Variants in RBL2 observed in about 807,000 individuals in gnomAD.
RBL2 encodes RB transcriptional corepressor like 2, also known as retinoblastoma-like protein 2.
A neutral mutation model predicts 126.0 loss-of-function variants in RBL2; 56 were observed. The ratio of observed to expected loss-of-function variants is 0.44; its 90% CI spans 0.36 to 0.56. The LOEUF is 0.56. Among genes scored for constraint, RBL2 ranks in the 20% least tolerant of loss-of-function variants. RBL2 has a pLI of 0.00. For missense variants in RBL2, 1,229 were observed against 1,398.2 expected (o/e 0.88, Z 1.93); for synonymous variants, 454 against 478.5 (o/e 0.95, Z 0.67).
chr16:53,439,207 A>G, intron 2 of RBL2, 61 bp downstream of exon 2: 1 of 1,365,982 alleles, frequency 7.3e-7, no homozygotes. Context: ...AATCATAGTG[A>G]TAGTAAGAAT....
At chr16:53,483,369 C>G (rs1309895559) in intron 21 of RBL2, among the ~76,000 whole-genome samples, 1 of 152,056 alleles carries the variant, frequency 6.6e-6, no homozygotes, top group Non-Finnish European at 1.5e-5. Context: ...GAGAACGGCT[C>G]AGGCAACATA....
intron 4 of RBL2, among the ~76,000 whole-genome samples, chr16:53,448,437 G>C (rs759772898): frequency 6.6e-6 from 1 of 151,920 alleles, no homozygotes; most frequent in East Asian, 1.9e-4. Flanking sequence ...GCTTACAGGC[G>C]TGAGCCATCG....
At chr16:53,451,585 T>C (rs2153140872) in intron 4 of RBL2, 118 bp from the exon 5 acceptor site, 1 of 1,119,846 alleles carries the variant, frequency 8.9e-7, no homozygotes, top group East Asian at 2.4e-5. Flanking sequence ...ACACTTATTG[T>C]AATGAGTCAA....
At chr16:53,469,776 G>GAC in intron 14 of RBL2, 140 bp from the exon 15 acceptor site, 4 of 1,040,242 alleles carry the variant, frequency 3.8e-6, no homozygotes, top group Middle Eastern at 2.2e-4. Flanking sequence ...GGTAAGATAT[G>GAC]ACTTCTGTAA....
chr16:53,456,253 G>A (rs1217767946), intron 8 of RBL2, among the ~76,000 whole-genome samples: 3 of 152,142 alleles, frequency 2.0e-5, no homozygotes. Flanking sequence ...TGTAGGCTTT[G>A]GAAGCCATCG....
intron 8 of RBL2, among the ~76,000 whole-genome samples, chr16:53,456,905 CT>C (rs1032483009): frequency 6.6e-6 from 1 of 152,124 alleles, no homozygotes; most frequent in Non-Finnish European, 1.5e-5. Flanking sequence ...GTATTTATCA[CT>C]GTCTGACAGT....
chr16:53,437,681 C>G (rs1336482784), intron 1 of RBL2, among the ~76,000 whole-genome samples: 2 of 152,086 alleles, frequency 1.3e-5, no homozygotes, highest in Non-Finnish European at 2.9e-5. Flanking sequence ...AATATCCATT[C>G]AAGCTTAATT....
At chr16:53,454,119 A>G (rs1056668311) in intron 7 of RBL2, 29 of 403,656 alleles carry the variant, frequency 7.2e-5, no homozygotes, top group Non-Finnish European at 1.3e-4. Flanking sequence ...ACCTACCAGC[A>G]GCTGAAACAC....
chr16:53,474,337 A>G (rs931888132), intron 17 of RBL2, among the ~76,000 whole-genome samples: 2 of 147,734 alleles, frequency 1.4e-5, no homozygotes, highest in South Asian at 2.1e-4. Context: ...TTATTTTGAG[A>G]TGGAATTTCG....
In RBL2 at chr16:53,470,101, C is replaced by T; in HGVS notation, c.2161C>T (p.Pro721Ser). ...NVSGETVSVTPVPGQTLVTMA... is the reference protein window; with the variant it reads ...NVSGETVSVTSVPGQTLVTMA... ...ATCTGGGGAGACTGTTTCTGTCACA[C>T]CAGTTCCTGGACAGACTTTGGTCAC... is the stretch of plus-strand genomic sequence containing the variant. The change falls in exon 15 of 22, where the codon CCA becomes TCA. Residue 721 changes from proline to serine, a missense_variant. Around this residue, in one of 2 missense-constraint regions of RBL2, gnomAD observed 1,070 missense variants for 1,274.3 expected, o/e 0.84. Transcript: ENST00000262133. 2 of 1,614,182 alleles carry T rather than the reference C, an allele frequency of 1.2e-6. No homozygotes were observed. Among genetic ancestry groups the T allele is most frequent in the Admixed American group, 1.7e-5 (1 of 60,018 alleles).
intron 3 of RBL2, among the ~76,000 whole-genome samples, chr16:53,444,646 A>G (rs1206823859): frequency 1.3e-5 from 2 of 151,836 alleles, no homozygotes; most frequent in Non-Finnish European, 2.9e-5. Context: ...TCAGGAGTTC[A>G]AGACTAGCCT....
At chr16:53,490,051 C>G in intron 21 of RBL2, 79 bp from the exon 22 acceptor site, 1 of 1,147,878 alleles carries the variant, frequency 8.7e-7, no homozygotes, top group South Asian at 2.0e-5. Context: ...AACTGCTTAA[C>G]TCATTTGAGA....
chr16:53,435,508 C>T lies in RBL2; in HGVS notation c.240+712C>T, dbSNP rs138454528. ...CGATCCGGGTGTGTTAGGTCGCAGCCTTCGGACAGGGCTTGCAGATGAGAA... is the reference window on the plus strand; with the variant it reads ...CGATCCGGGTGTGTTAGGTCGCAGCTTTCGGACAGGGCTTGCAGATGAGAA... On this transcript the variant is annotated intron_variant, in intron 1 of 21. Transcript: ENST00000262133. 18 of 1,125,322 alleles carry T rather than the reference C, an allele frequency of 1.6e-5. No individual in the cohort carries two copies. The African/African-American group carries it at 2.6e-4, about 16-fold the overall frequency. 69.7% of individuals were successfully genotyped at this position (1,125,322 alleles called of 1,614,324 possible).
intron 17 of RBL2, among the ~76,000 whole-genome samples, chr16:53,476,868 T>C (rs1472387816): frequency 6.6e-6 from 1 of 152,280 alleles, no homozygotes; most frequent in Non-Finnish European, 1.5e-5. Flanking sequence ...ATTTTTTAAA[T>C]CTAAAATGTC....
intron 21 of RBL2, among the ~76,000 whole-genome samples, chr16:53,484,808 A>G (rs1320192866): frequency 1.3e-5 from 2 of 152,210 alleles, no homozygotes; most frequent in East Asian, 3.8e-4. Context: ...GTACACTTCA[A>G]ATGGTTGAAT....
chr16:53,444,808 A>T (rs997671176), intron 3 of RBL2, among the ~76,000 whole-genome samples: 1 of 152,300 alleles, frequency 6.6e-6, no homozygotes, highest in Admixed American at 6.5e-5. Context: ...CGATCGCGCC[A>T]CTGCACTCCA....
chr16:53,482,273 G>C lies in RBL2; in HGVS notation c.3249+438G>C, dbSNP rs545388255. Among the ~76,000 whole-genome samples, 7 of 152,320 alleles carry C rather than the reference G, an allele frequency of 4.6e-5. No individual in the cohort carries two copies. In the South Asian group the frequency reaches 1.4e-3, roughly 32 times the overall value. ...GCAGTGCAATAGTCATATTAGCACA[G>C]ATGTATGTGGCAACAGCCACCTCAT... On this transcript the variant is annotated intron_variant, in intron 21 of 21. Transcript: ENST00000262133.
intron 21 of RBL2, 156 bp from the exon 22 acceptor site, chr16:53,489,974 A>T (rs1961346719): frequency 4.0e-6 from 2 of 502,484 alleles, no homozygotes; most frequent in African/African-American, 4.0e-5. Flanking sequence ...GCTGAAAAGT[A>T]AAGTTGGCAG....
chr16:53,450,381 C>T (rs530086366), intron 4 of RBL2, among the ~76,000 whole-genome samples: 1 of 151,896 alleles, frequency 6.6e-6, no homozygotes, highest in South Asian at 2.1e-4. Context: ...CTTGGGTAGG[C>T]GTTAAGTGTG....
Sources: gnomAD v4.1 joint callset for allele counts (sites outside exome capture counted in the v4.1 genomes callset) on GRCh38, gnomAD v4.1.1 for gene constraint, gnomAD v4.1.1 regional missense constraint, MANE v1.5 for transcripts, NCBI Gene and HGNC (gene_info 2026-07-23, HGNC 2026-07-21) for gene names.